DIAPH3: variants seen among roughly 807,000 people sequenced by gnomAD.
The protein encoded by DIAPH3 is protein diaphanous homolog 3.
A neutral mutation model predicts 144.3 loss-of-function variants in DIAPH3; 117 were observed. The observed-to-expected ratio is 0.81, with a 90% CI of 0.70 to 0.95. The LOEUF (loss-of-function observed/expected upper bound fraction) is 0.95, where lower values mean the gene tolerates loss of function less well. Ranked by LOEUF, DIAPH3 falls within the 40% of genes least tolerant of loss-of-function variation. The pLI, the probability that DIAPH3 is intolerant of heterozygous loss-of-function variation, is 0.00. For synonymous variants in DIAPH3, 519 were observed against 488.9 expected, an observed-to-expected ratio of 1.06 and a Z score of -0.81; for missense variants, 1,421 against 1,412.7, an observed-to-expected ratio of 1.01 and a Z score of -0.09.
At chr13:59,996,177 T>A (rs2052178643) in intron 9 of DIAPH3, among the ~76,000 whole-genome samples, 1 of 151,870 alleles carries the variant, frequency 6.6e-6, no homozygotes, top group Non-Finnish European at 1.5e-5. Flanking sequence ...AGGGATAGAG[T>A]TACTGTTCCA....
intron 27 of DIAPH3, among the ~76,000 whole-genome samples, chr13:59,723,311 G>T (rs1442264972): frequency 1.3e-5 from 2 of 152,156 alleles, no homozygotes; most frequent in African/African-American, 4.8e-5. Flanking sequence ...CAGCAACAGT[G>T]TGTCCTGGTA....
intron 20 of DIAPH3, among the ~76,000 whole-genome samples, chr13:59,897,607 G>C (rs1424749450): frequency 1.3e-5 from 2 of 151,590 alleles, no homozygotes; most frequent in East Asian, 3.9e-4. Context: ...AATTAGCTAG[G>C]CATGGTGGCG....
chr13:59,705,187 C>T lies in DIAPH3; in HGVS notation c.3320-38341G>A, dbSNP rs181548898. Among the ~76,000 whole-genome samples the T allele has an allele frequency of 4.0e-5, 6 of 150,640 alleles. No individual in the cohort carries two copies. The East Asian group carries it at 7.7e-4, about 19-fold the overall frequency. ...TAGTCCTCACTCCAAAGAAACAGACCGGCAAAAAAAAATAGGGATTAAAAA... is the reference window on the plus strand; with the variant it reads ...TAGTCCTCACTCCAAAGAAACAGACTGGCAAAAAAAAATAGGGATTAAAAA... On this transcript the variant is annotated intron_variant, in intron 27 of 27. Transcript: ENST00000400324.
intron 2 of DIAPH3, among the ~76,000 whole-genome samples, chr13:60,113,536 A>G (rs2058625818): frequency 6.6e-6 from 1 of 152,212 alleles, no homozygotes; most frequent in Admixed American, 6.5e-5. Context: ...TTAAACATTA[A>G]AGTACTAAGA....
intron 27 of DIAPH3, among the ~76,000 whole-genome samples, chr13:59,752,231 G>A (rs895847900): frequency 1.3e-5 from 2 of 152,140 alleles, no homozygotes; most frequent in African/African-American, 4.8e-5. Flanking sequence ...TAAGGAAACC[G>A]AGGTGCAAAG....
At chr13:59,671,960 T>G (rs2032394982) in intron 27 of DIAPH3, among the ~76,000 whole-genome samples, 1 of 152,134 alleles carries the variant, frequency 6.6e-6, no homozygotes, top group South Asian at 2.1e-4. Flanking sequence ...CAAAGAAAGC[T>G]TAAAAAAACT....
intron 24 of DIAPH3, among the ~76,000 whole-genome samples, chr13:59,826,812 T>A (rs929476366): frequency 6.6e-6 from 1 of 152,026 alleles, no homozygotes; most frequent in African/African-American, 2.4e-5. Context: ...CAAAACAGCA[T>A]GGTACTGGTA....
At chr13:60,001,976 A>T (rs1395122714) in intron 9 of DIAPH3, among the ~76,000 whole-genome samples, 1 of 152,210 alleles carries the variant, frequency 6.6e-6, no homozygotes, top group Non-Finnish European at 1.5e-5. Context: ...CAATCAGGTC[A>T]GCTTCAACTC....
intron 25 of DIAPH3, among the ~76,000 whole-genome samples, chr13:59,800,570 C>T (rs1228592109): frequency 1.3e-5 from 2 of 152,146 alleles, no homozygotes; most frequent in Non-Finnish European, 2.9e-5. Context: ...ATTTTATGCT[C>T]AATCTCGGCA....
chr13:59,666,733 A>T lies in DIAPH3; in HGVS notation c.3433T>A (p.Ser1145Thr). The T allele has an allele frequency of 6.2e-7, 1 of 1,614,076 alleles. No individual in the cohort carries two copies. The highest frequency in any genetic ancestry group is 8.5e-7 in the Non-Finnish European group (1 of 1,179,994). ...ELNYNLDTHT[S>T]TGRIKAAEKK... ...TCAGCTGCCTTGATCCTCCCAGTAG[A>T]CGTATGAGTGTCTAGATTATAATTA... is the stretch of plus-strand genomic sequence containing the variant. Residue 1145 changes from serine (S) to threonine (T), a missense_variant, in exon 28 of 28, where the codon TCT becomes ACT. By Grantham distance (58) the Ser-to-Thr change is moderately conservative. Transcript: ENST00000400324.
intron 1 of DIAPH3, among the ~76,000 whole-genome samples, chr13:60,145,132 G>A (rs1951444606): frequency 6.6e-6 from 1 of 152,160 alleles, no homozygotes; most frequent in African/African-American, 2.4e-5. Context: ...GCACAGAAGT[G>A]ACTTATAAGG....
chr13:59,711,864 C>A (rs1008726790), intron 27 of DIAPH3, among the ~76,000 whole-genome samples: 1 of 152,170 alleles, frequency 6.6e-6, no homozygotes, highest in Non-Finnish European at 1.5e-5. Context: ...AAGTTGTCAT[C>A]CTTTGGGTAA....
chr13:59,753,644 A>G (rs749961453), intron 27 of DIAPH3, among the ~76,000 whole-genome samples: 8 of 152,228 alleles, frequency 5.3e-5, no homozygotes, highest in Non-Finnish European at 1.0e-4. Flanking sequence ...TGAAACAGGT[A>G]TATACAAAGA....
intron 25 of DIAPH3, among the ~76,000 whole-genome samples, chr13:59,809,495 T>C (rs1593507740): frequency 8.2e-6 from 1 of 121,580 alleles, no homozygotes. Context: ...AGAGCGAAAC[T>C]CCATCTCAAA....
intron 17 of DIAPH3, among the ~76,000 whole-genome samples, chr13:59,969,675 A>G (rs554898687): frequency 7.7e-4 from 117 of 152,298 alleles, no homozygotes; most frequent in Middle Eastern, 3.4e-3. Context: ...CTCTTTTACA[A>G]AAGTCTAATT....
chr13:59,787,314 A>G (rs2039086879), intron 25 of DIAPH3, among the ~76,000 whole-genome samples: 1 of 152,260 alleles, frequency 6.6e-6, no homozygotes, highest in Non-Finnish European at 1.5e-5. Context: ...TTTCAACATT[A>G]AAAGATTAAA....
At chr13:59,973,595 T>C (rs1183777935) in intron 15 of DIAPH3, among the ~76,000 whole-genome samples, 7 of 152,064 alleles carry the variant, frequency 4.6e-5, no homozygotes, top group Non-Finnish European at 1.0e-4. Context: ...GCAACAAAAC[T>C]ATCCACTAAG....
chr13:59,955,576 C>T (rs779197969), intron 17 of DIAPH3, among the ~76,000 whole-genome samples: 32 of 152,092 alleles, frequency 2.1e-4, no homozygotes, highest in Admixed American at 3.9e-4. Flanking sequence ...GCAGAGTGGG[C>T]GCTGCTGTAA....
chr13:59,921,177 A>G (rs554459852), intron 18 of DIAPH3, among the ~76,000 whole-genome samples: 1 of 151,176 alleles, frequency 6.6e-6, no homozygotes, highest in South Asian at 2.1e-4. Context: ...CACCTGGAGG[A>G]ATTAGAAAAA....
Sources: allele counts gnomAD v4.1 joint callset (sites outside exome capture counted in the v4.1 genomes callset), GRCh38; gene constraint gnomAD v4.1.1; transcripts MANE v1.5; gene names NCBI Gene and HGNC (gene_info 2026-07-23, HGNC 2026-07-21).